Variants in RPUSD4 observed in about 807,000 individuals in gnomAD.
RPUSD4 encodes the protein pseudouridylate synthase RPUSD4, mitochondrial.
In RPUSD4, 37 loss-of-function variants were observed where a neutral mutation model predicts 35.4. That is an observed-to-expected ratio of 1.04 (90% CI 0.80 to 1.37). RPUSD4 has a LOEUF of 1.37. Ranked by LOEUF, RPUSD4 falls within the 40% of genes most tolerant of loss-of-function variation. RPUSD4 has a pLI of 0.00. For synonymous variants in RPUSD4, 210 were observed against 192.7 expected, an observed-to-expected ratio of 1.09 and a Z score of -0.74; for missense variants, 507 against 484.9, an observed-to-expected ratio of 1.05 and a Z score of -0.43.
rs764741734 is a variant in RPUSD4 at position 126,205,788 on chromosome 11, G to A, written c.558-7C>T. ...GACATGCACAGTGATGGCCCTGGGGGTGACACAGATCACTGCTTTAGCCAA... is the reference window on the plus strand; with the variant it reads ...GACATGCACAGTGATGGCCCTGGGGATGACACAGATCACTGCTTTAGCCAA... On this transcript the variant is annotated splice_region_variant and splice_polypyrimidine_tract_variant and intron_variant, in intron 3 of 6. Transcript: ENST00000298317. The A allele has an allele frequency of 5.7e-6, 9 of 1,586,372 alleles. No homozygotes were observed. In the African/African-American group the frequency reaches 9.4e-5, roughly 17 times the overall value.
rs754293335 is a variant in RPUSD4 at position 126,205,682 on chromosome 11, G to C, written c.651+6C>G. 26 of 1,612,660 alleles carry C rather than the reference G, an allele frequency of 1.6e-5. No homozygotes were observed. The South Asian group carries it at 2.0e-4, about 12-fold the overall frequency. On this transcript the variant is annotated splice_donor_region_variant and intron_variant, in intron 4 of 6. Transcript: ENST00000298317. Reference sequence around the variant, plus strand: ...AACCCATGCCTCAGGGAGGCTGCTCGCTCACCTTGTGGTGTTGCTGCTGGC... The same window carrying C: ...AACCCATGCCTCAGGGAGGCTGCTCCCTCACCTTGTGGTGTTGCTGCTGGC...
At chr11:126,209,461 AAT>A (rs1949814751) in intron 3 of RPUSD4, 58 bp downstream of exon 3, 5 of 1,420,646 alleles carry the variant, frequency 3.5e-6, no homozygotes, top group Non-Finnish European at 3.9e-6. Context: ...TTAATGAATA[AAT>A]AGGTGAAAGA....
intron 6 of RPUSD4, 68 bp from the exon 7 acceptor site, chr11:126,203,725 C>A: frequency 6.5e-7 from 1 of 1,545,128 alleles, no homozygotes; most frequent in South Asian, 1.2e-5. Context: ...CATGCAAGGT[C>A]AGGGCACTTC....
At position 126,203,413 on chromosome 11, in the gene RPUSD4, G is replaced by A. The variant is rs58203163; in HGVS notation, c.*5C>T. On this transcript the variant is annotated 3_prime_UTR_variant, in exon 7 of 7. Coordinates refer to ENST00000298317, the MANE Select transcript of RPUSD4 (RefSeq NM_032795.3). ...CTCCCAGGTGCCAGGGTGCTCCCATGGTCTTCACTGTGCTCCCAGACACTT... is the reference window on the plus strand; with the variant it reads ...CTCCCAGGTGCCAGGGTGCTCCCATAGTCTTCACTGTGCTCCCAGACACTT... 2,630 of 1,611,054 alleles carry A rather than the reference G, an allele frequency of 1.6e-3. 22 individuals are homozygous for A. In the African/African-American group the frequency reaches 0.024, roughly 15 times the overall value.
chr11:126,209,333 G>T (rs1248101418), intron 3 of RPUSD4, 188 bp downstream of exon 3: 4 of 575,612 alleles, frequency 6.9e-6, no homozygotes, highest in Admixed American at 6.6e-5. Context: ...ATGTATACCA[G>T]AATTAAGAAC....
At chr11:126,205,163 G>T (rs1262240109) in intron 5 of RPUSD4, among the ~76,000 whole-genome samples, 1 of 152,182 alleles carries the variant, frequency 6.6e-6, no homozygotes, top group Non-Finnish European at 1.5e-5. Context: ...ACGCTGCTAT[G>T]AATATGTGTG....
At chr11:126,205,960 G>A in intron 3 of RPUSD4, 179 bp from the exon 4 acceptor site, 1 of 481,574 alleles carries the variant, frequency 2.1e-6, no homozygotes, top group East Asian at 3.2e-5. Flanking sequence ...GATTTCACAA[G>A]CTTATCTTTT....
Position 126,209,738 on chromosome 11 carries a change from C to A in RPUSD4, c.356-16G>T. On this transcript the variant is annotated splice_polypyrimidine_tract_variant and intron_variant, in intron 2 of 6. Coordinates refer to ENST00000298317, the MANE Select transcript of RPUSD4 (RefSeq NM_032795.3). Reference sequence around the variant, plus strand: ...CCAGGGCCACCTAAGAAGGAAAAAGCCAAAGGTTTGAGCGGCCAGGAAAAG... The same window carrying A: ...CCAGGGCCACCTAAGAAGGAAAAAGACAAAGGTTTGAGCGGCCAGGAAAAG... 6.2e-7 allele frequency: 1 copy of A among 1,608,688 alleles called. No homozygotes were observed.
At chr11:126,211,133 G>A (rs529989638) in intron 1 of RPUSD4, 78 bp from the exon 2 acceptor site, 3 of 1,503,618 alleles carry the variant, frequency 2.0e-6, no homozygotes, top group Non-Finnish European at 2.7e-6. Flanking sequence ...GTCTGGGTGA[G>A]AATCTGAGTA....
Position 126,203,649 on chromosome 11 carries a change from A to G in RPUSD4, c.903T>C (p.Ser301=), listed in dbSNP as rs763468577. 5.0e-6 allele frequency: 8 copies of G among 1,612,542 alleles called. No individual in the cohort carries two copies. In the South Asian group the frequency reaches 7.7e-5, roughly 15 times the overall value. ...GCCCCAGCTTCTTCAGGGTGCCCACAGACAGCTTCTATACAAAGAAAGGAC... is the reference window on the plus strand; with the variant it reads ...GCCCCAGCTTCTTCAGGGTGCCCACGGACAGCTTCTATACAAAGAAAGGAC... ...DWNRLAPQKL[S]VGTLKKLGLE... Residue 301 remains serine (S), a synonymous_variant, in exon 7 of 7, where the codon TCT becomes TCC. Transcript: ENST00000298317.
At chr11:126,211,358 C>T in intron 1 of RPUSD4, 92 bp downstream of exon 1, 2 of 1,369,544 alleles carry the variant, frequency 1.5e-6, no homozygotes, top group Non-Finnish European at 2.0e-6. Context: ...TTGACTCACA[C>T]GCTTTCACTC....
At position 126,211,074 on chromosome 11, in the gene RPUSD4, C is replaced by G. The variant is rs1949858244; in HGVS notation, c.190-19G>C. The G allele has an allele frequency of 1.2e-6, 2 of 1,606,546 alleles. No individual in the cohort carries two copies. Among genetic ancestry groups the G allele is most frequent in the African/African-American group, 2.8e-5 (2 of 70,608 alleles). Reference sequence around the variant, plus strand: ...TGGACACCTAGGGAGAAAGAAGGAGCCGTGGGGAATGCCTGGTGCGGAAGC... The same window carrying G: ...TGGACACCTAGGGAGAAAGAAGGAGGCGTGGGGAATGCCTGGTGCGGAAGC... On this transcript the variant is annotated intron_variant, in intron 1 of 6. Transcript: ENST00000298317.
intron 5 of RPUSD4, 98 bp downstream of exon 5, chr11:126,205,370 C>A: frequency 2.1e-6 from 3 of 1,461,010 alleles, no homozygotes; most frequent in Non-Finnish European, 2.8e-6. Flanking sequence ...CATTCTCACA[C>A]AAGTCAGCCA....
At chr11:126,209,191 A>C in intron 3 of RPUSD4, 1 of 229,694 alleles carries the variant, frequency 4.4e-6, no homozygotes, top group East Asian at 1.2e-4. Context: ...AGGTGTCACT[A>C]TGTTGCCCAG....
rs1949813779 is a variant in RPUSD4 at position 126,209,378 on chromosome 11, A to C, written c.557+143T>G. On this transcript the variant is annotated intron_variant, in intron 3 of 6. Transcript: ENST00000298317. Reference sequence around the variant, plus strand: ...ATCAGACTTAATATTCTAAGCACCAAAGCTGTTTCACATATTTTTTACAAT... The same window carrying C: ...ATCAGACTTAATATTCTAAGCACCACAGCTGTTTCACATATTTTTTACAAT... The C allele has an allele frequency of 5.9e-6, 4 of 682,740 alleles. No individual in the cohort carries two copies. The Admixed American group carries it at 1.1e-4, about 18-fold the overall frequency. The allele number at this position is 682,740 out of a possible 1,614,324, so 42.3% of individuals were successfully genotyped here.
At position 126,205,740 on chromosome 11, in the gene RPUSD4, A is replaced by G. The variant is rs201393424; in HGVS notation, c.599T>C (p.Val200Ala). ...CTCCTTCTCCACAATGGGGATGTCC[A>G]CGACTCCTGCTGAGGGCATGGGGAC... ...VHVPMPSAGVVDIPIVEKEAQ... is the reference protein window; with the variant it reads ...VHVPMPSAGVADIPIVEKEAQ... Residue 200 changes from valine (V) to alanine (A), a missense_variant, in exon 4 of 7, where the codon GTG (valine) becomes GCG (alanine). Transcript: ENST00000298317. The G allele has an allele frequency of 9.9e-5, 160 of 1,612,988 alleles. No individual in the cohort carries two copies. Among genetic ancestry groups the G allele is most frequent in the Admixed American group, 4.0e-4 (24 of 59,932 alleles).
chr11:126,211,296 C>T (rs1949862966), intron 1 of RPUSD4, 154 bp downstream of exon 1: 1 of 979,390 alleles, frequency 1.0e-6, no homozygotes, highest in Non-Finnish European at 1.5e-6. Flanking sequence ...CGTACCCTTA[C>T]TGACCCCTCC....
At position 126,205,682 on chromosome 11, in the gene RPUSD4, G is replaced by A. The variant is rs754293335; in HGVS notation, c.651+6C>T. 8.1e-6 allele frequency: 13 copies of A among 1,612,660 alleles called. No homozygotes were observed. The highest frequency in any genetic ancestry group is 4.5e-5 in the East Asian group (2 of 44,878). On this transcript the variant is annotated splice_donor_region_variant and intron_variant, in intron 4 of 6. Transcript: ENST00000298317. Reference sequence around the variant, plus strand: ...AACCCATGCCTCAGGGAGGCTGCTCGCTCACCTTGTGGTGTTGCTGCTGGC... The same window carrying A: ...AACCCATGCCTCAGGGAGGCTGCTCACTCACCTTGTGGTGTTGCTGCTGGC...
chr11:126,209,618 T>C lies in RPUSD4; in HGVS notation c.460A>G (p.Lys154Glu). 6.2e-7 allele frequency: 1 copy of C among 1,614,256 alleles called. No individual in the cohort carries two copies. The highest frequency in any genetic ancestry group is 8.5e-7 in the Non-Finnish European group (1 of 1,180,050). ...AACACCATTACACCTGTGGTTTCCTTGTCCAGCCGGTGGCACAGATGCAAG... is the reference window on the plus strand; with the variant it reads ...AACACCATTACACCTGTGGTTTCCTCGTCCAGCCGGTGGCACAGATGCAAG... ...EPLHLCHRLD[K>E]ETTGVMVLAW... is the part of the protein sequence containing the mutation. The change falls in exon 3 of 7, where the codon AAG (lysine) becomes GAG (glutamate). Residue 154 changes from lysine (K) to glutamate (E), a missense_variant. Lys to Glu is a moderately conservative substitution (Grantham distance 56, BLOSUM62 1). Coordinates refer to ENST00000298317, the MANE Select transcript of RPUSD4 (RefSeq NM_032795.3).
Sources: gnomAD v4.1 joint callset for allele counts (sites outside exome capture counted in the v4.1 genomes callset) on GRCh38, gnomAD v4.1.1 for gene constraint, MANE v1.5 for transcripts, NCBI Gene and HGNC (gene_info 2026-07-23, HGNC 2026-07-21) for gene names.